The following CDH2 variants were observed in gnomAD, a reference collection of about 807,000 sequenced individuals.
CDH2 encodes the protein cadherin-2.
CDH2 carries 17 observed loss-of-function variants against 92.0 expected under a neutral mutation model. That is an observed-to-expected ratio of 0.18 (90% CI 0.13 to 0.28). The LOEUF is 0.28. CDH2 is among the 10% of genes least tolerant of loss of function. The pLI is 1.00. For missense variants in CDH2, 862 were observed against 1,133.1 expected (o/e 0.76, Z 3.44); for synonymous variants, 419 against 415.9 (o/e 1.01, Z -0.09).
chr18:27,947,809 A>G (rs868429498), downstream of CDH2, among the ~76,000 whole-genome samples: 6 of 151,942 alleles, frequency 3.9e-5, no homozygotes, highest in African/African-American at 1.2e-4. Flanking sequence ...TGATGTAAGT[A>G]TATGTGATAT....
intron 1 of CDH2, among the ~76,000 whole-genome samples, chr18:28,164,687 C>CA (rs2016353840): frequency 2.0e-5 from 3 of 152,078 alleles, no homozygotes; most frequent in Admixed American, 1.3e-4. Flanking sequence ...CACATACTCC[C>CA]ACATGTGCAC....
intron 14 of CDH2, among the ~76,000 whole-genome samples, chr18:27,980,097 CT>C (rs746533261): frequency 3.9e-5 from 6 of 152,166 alleles, no homozygotes; most frequent in Non-Finnish European, 8.8e-5. Context: ...GCTTTTATCC[CT>C]GAAGGAAGAG....
chr18:27,979,214 ACGT>A (rs957288648), intron 14 of CDH2, among the ~76,000 whole-genome samples: 1 of 152,154 alleles, frequency 6.6e-6, no homozygotes, highest in Non-Finnish European at 1.5e-5. Context: ...GGCTAAACAA[ACGT>A]CATGAAATAA....
chr18:28,128,049 C>T (rs2015706341), intron 2 of CDH2, among the ~76,000 whole-genome samples: 1 of 152,122 alleles, frequency 6.6e-6, no homozygotes, highest in African/African-American at 2.4e-5. Flanking sequence ...CCTGGGACAC[C>T]TCCCACATTC....
chr18:28,101,126 T>C (rs1229805752), intron 2 of CDH2, among the ~76,000 whole-genome samples: 2 of 152,160 alleles, frequency 1.3e-5, no homozygotes, highest in South Asian at 2.1e-4. Flanking sequence ...AAACATAAAA[T>C]TTTACCTTTA....
intron 2 of CDH2, among the ~76,000 whole-genome samples, chr18:28,059,022 TG>T (rs1395784755): frequency 6.6e-6 from 1 of 152,228 alleles, no homozygotes; most frequent in Non-Finnish European, 1.5e-5. Context: ...TTAGTTGGTT[TG>T]ATTTATGGGG....
chr18:27,941,186 C>T (rs1909131515), intron 6 of CDH2, among the ~76,000 whole-genome samples: 3 of 151,948 alleles, frequency 2.0e-5, no homozygotes, highest in Non-Finnish European at 4.4e-5. Flanking sequence ...CAGGCACCCG[C>T]CACCACGCCC....
chr18:28,116,194 G>A (rs541619393), intron 2 of CDH2, among the ~76,000 whole-genome samples: 1 of 152,168 alleles, frequency 6.6e-6, no homozygotes, highest in East Asian at 1.9e-4. Flanking sequence ...AAAAACCCTG[G>A]CTTAATGTCT....
chr18:28,080,308 T>C (rs1301833301), intron 2 of CDH2, among the ~76,000 whole-genome samples: 1 of 152,212 alleles, frequency 6.6e-6, no homozygotes, highest in East Asian at 1.9e-4. Context: ...ATCTATGTTT[T>C]CACTTCCTAT....
intron 2 of CDH2, chr18:28,146,315 T>C (rs1395826405): frequency 6.6e-6 from 1 of 152,056 alleles, no homozygotes; most frequent in Non-Finnish European, 1.5e-5. Flanking sequence ...TTACAGGTCA[T>C]ACAAGTTCTA....
At chr18:28,156,463 C>G (rs746807464) in intron 1 of CDH2, among the ~76,000 whole-genome samples, 1 of 121,936 alleles carries the variant, frequency 8.2e-6, no homozygotes, top group African/African-American at 4.4e-5. Context: ...TTCCCAGGTA[C>G]AGCATGTCAC....
At chr18:28,022,344 A>T (rs182865312) in intron 2 of CDH2, among the ~76,000 whole-genome samples, 85 of 152,196 alleles carry the variant, frequency 5.6e-4, no homozygotes, top group African/African-American at 2.0e-3. Flanking sequence ...TATAATTATG[A>T]TAAGAAAACA....
intron 2 of CDH2, among the ~76,000 whole-genome samples, chr18:28,124,676 A>C (rs939170317): frequency 6.6e-6 from 1 of 152,148 alleles, no homozygotes; most frequent in African/African-American, 2.4e-5. Context: ...CACTGCATTA[A>C]TTTTTCTATT....
At chr18:27,947,461 T>G (rs1019426983), downstream of CDH2, among the ~76,000 whole-genome samples, 4 of 151,788 alleles carry the variant, frequency 2.6e-5, no homozygotes, top group African/African-American at 9.7e-5. Flanking sequence ...GTTATGGAAC[T>G]TCACAAAATA....
intron 14 of CDH2, among the ~76,000 whole-genome samples, chr18:27,969,979 G>A (rs1030560130): frequency 1.3e-5 from 2 of 152,094 alleles, no homozygotes; most frequent in Admixed American, 6.5e-5. Flanking sequence ...CAGCCTGGGC[G>A]ACAACAGTGA....
At chr18:28,023,164 T>C (rs780615119) in intron 2 of CDH2, among the ~76,000 whole-genome samples, 12 of 152,188 alleles carry the variant, frequency 7.9e-5, no homozygotes, top group East Asian at 1.9e-4. Context: ...TGACCTTATA[T>C]GGAATCACGA....
At chr18:28,024,132 G>C (rs17493814) in intron 2 of CDH2, among the ~76,000 whole-genome samples, 171 of 152,228 alleles carry the variant, frequency 1.1e-3, no homozygotes, top group African/African-American at 3.9e-3. Flanking sequence ...GGGGTAGACT[G>C]CCACAAAAAT....
chr18:28,041,173 C>T (rs533762870), intron 2 of CDH2, among the ~76,000 whole-genome samples: 2 of 152,118 alleles, frequency 1.3e-5, no homozygotes, highest in South Asian at 2.1e-4. Flanking sequence ...TCCTTAGGAG[C>T]AGCACTAGAT....
At chr18:27,954,901 T>A (rs1909635361) in intron 15 of CDH2, among the ~76,000 whole-genome samples, 1 of 152,154 alleles carries the variant, frequency 6.6e-6, no homozygotes, top group African/African-American at 2.4e-5. Context: ...CTACAAGATC[T>A]AGCAACTGCA....
Sources: allele counts gnomAD v4.1 joint callset (sites outside exome capture counted in the v4.1 genomes callset), GRCh38; gene constraint gnomAD v4.1.1; transcripts MANE v1.5; gene names NCBI Gene and HGNC (gene_info 2026-07-23, HGNC 2026-07-21).